Variants in AKAP6 observed in about 807,000 individuals in gnomAD.
AKAP6 encodes the protein A-kinase anchoring protein 6.
In AKAP6, 58 loss-of-function variants were observed where a neutral mutation model predicts 188.5. That is an observed-to-expected ratio of 0.31 (90% CI 0.25 to 0.38). AKAP6 has a LOEUF of 0.38. AKAP6 is among the 10% of genes least tolerant of loss of function. The pLI is 1.00. For synonymous variants in AKAP6, 989 were observed against 998.6 expected (o/e 0.99, Z 0.18); for missense variants, 2,710 against 2,740.0 (o/e 0.99, Z 0.24).
At position 32,352,882 on chromosome 14, in the gene AKAP6, A is replaced by T. The variant is rs142906750; in HGVS notation, c.-35+23474A>T. Among the ~76,000 whole-genome samples, 201 of 152,288 alleles carry T rather than the reference A, an allele frequency of 1.3e-3. 2 individuals carry two copies. Among genetic ancestry groups the T allele is most frequent in the African/African-American group, 4.7e-3 (194 of 41,574 alleles). ...ACGTGGGAGTGCAGATGTCTCTTTG[A>T]CATAGTGATTTCATTTCCTTTGGAT... On this transcript the variant is annotated intron_variant, in intron 1 of 13. Transcript: ENST00000280979.
At chr14:32,732,076 C>G (rs2031200047) in intron 9 of AKAP6, among the ~76,000 whole-genome samples, 1 of 151,886 alleles carries the variant, frequency 6.6e-6, no homozygotes, top group Non-Finnish European at 1.5e-5. Context: ...CACTTTGAAA[C>G]TGGTCCTTTA....
At chr14:32,552,016 T>G (rs1883496084) in intron 4 of AKAP6, among the ~76,000 whole-genome samples, 1 of 152,154 alleles carries the variant, frequency 6.6e-6, no homozygotes, top group Non-Finnish European at 1.5e-5. Context: ...TTATTATTTT[T>G]GGTCTGTCTC....
chr14:32,423,209 A>G (rs1654305969), intron 1 of AKAP6, among the ~76,000 whole-genome samples: 1 of 152,052 alleles, frequency 6.6e-6, no homozygotes. Context: ...TCACTTTGTC[A>G]CCCAGGCTGG....
chr14:32,786,307 T>TTTTTGTTTTTTTG (rs1566710268), intron 12 of AKAP6, among the ~76,000 whole-genome samples: 1 of 91,884 alleles, frequency 1.1e-5, no homozygotes, highest in African/African-American at 3.9e-5. Flanking sequence ...TCTTTTTTTT[T>TTTTTGTTTTTTTG]TTTTTTTTTT....
At chr14:32,376,642 TAA>T (rs1329462276) in intron 1 of AKAP6, among the ~76,000 whole-genome samples, 1 of 152,236 alleles carries the variant, frequency 6.6e-6, no homozygotes, top group African/African-American at 2.4e-5. Flanking sequence ...AATGTGGATG[TAA>T]AGTTATACTC....
intron 7 of AKAP6, among the ~76,000 whole-genome samples, chr14:32,656,409 T>C (rs1888456343): frequency 6.6e-6 from 1 of 152,148 alleles, no homozygotes; most frequent in Non-Finnish European, 1.5e-5. Flanking sequence ...GTATGAGAAA[T>C]AGAAGACAGT....
chr14:32,525,769 C>T (rs1882089393), intron 2 of AKAP6, among the ~76,000 whole-genome samples: 1 of 152,196 alleles, frequency 6.6e-6, no homozygotes, highest in African/African-American at 2.4e-5. Context: ...ACATCCTTTG[C>T]ATCTGTATGG....
At chr14:32,342,464 C>T (rs1180635473) in intron 1 of AKAP6, among the ~76,000 whole-genome samples, 1 of 152,150 alleles carries the variant, frequency 6.6e-6, no homozygotes, top group African/African-American at 2.4e-5. Context: ...AGCTTAAGAT[C>T]ACCCCATATA....
chr14:32,755,724 C>T (rs1204492360), intron 11 of AKAP6, among the ~76,000 whole-genome samples: 1 of 152,090 alleles, frequency 6.6e-6, no homozygotes, highest in Non-Finnish European at 1.5e-5. Context: ...GACAAGGTTT[C>T]ACCATGTTGC....
In AKAP6 at chr14:32,832,053, A is replaced by G. The variant is rs901036191; in HGVS notation, c.*2248A>G. On this transcript the variant is annotated 3_prime_UTR_variant, in exon 14 of 14. Coordinates refer to ENST00000280979, the MANE Select transcript of AKAP6 (RefSeq NM_004274.5). The stretch of plus-strand genomic sequence containing the variant: ...TCCATATGTATTTCTAAATGGATAA[A>G]TTATTCTAGGCTTCTTAATAGGTAG... 3.3e-5 allele frequency: 5 copies of G among 152,044 alleles called. No homozygotes were observed. Among genetic ancestry groups the G allele is most frequent in the South Asian group, 2.1e-4 (1 of 4,828 alleles). 9.4% of individuals were successfully genotyped at this position (152,044 alleles called of 1,614,324 possible).
At chr14:32,435,813 G>A (rs1255986019) in intron 2 of AKAP6, among the ~76,000 whole-genome samples, 1 of 152,162 alleles carries the variant, frequency 6.6e-6, no homozygotes, top group Non-Finnish European at 1.5e-5. Flanking sequence ...AAGTCAAGGA[G>A]CTCTGGTTAC....
intron 7 of AKAP6, among the ~76,000 whole-genome samples, chr14:32,666,949 G>T (rs1020951548): frequency 3.3e-5 from 5 of 152,018 alleles, no homozygotes; most frequent in African/African-American, 9.6e-5. Context: ...AATGTCATTT[G>T]TCTATAGTGC....
intron 11 of AKAP6, among the ~76,000 whole-genome samples, chr14:32,755,626 C>T (rs1300882939): frequency 6.6e-6 from 1 of 151,976 alleles, no homozygotes; most frequent in East Asian, 1.9e-4. Flanking sequence ...CTCTTGGGCT[C>T]AAGGGTTCCC....
At chr14:32,607,132 G>C (rs1309288262) in intron 7 of AKAP6, among the ~76,000 whole-genome samples, 1 of 152,154 alleles carries the variant, frequency 6.6e-6, no homozygotes, top group African/African-American at 2.4e-5. Context: ...AAGATGTTTT[G>C]GGTAAGAGCG....
rs577601009 is a variant in AKAP6, at chr14:32,660,271, G to A, written c.2731-18040G>A. Among the ~76,000 whole-genome samples, 28 of 152,226 alleles carry A rather than the reference G, an allele frequency of 1.8e-4. No homozygotes were observed. In the South Asian group the frequency reaches 5.8e-3, roughly 32 times the overall value. On this transcript the variant is annotated intron_variant, in intron 7 of 13. Transcript: ENST00000280979. ...GTGCATATCAGACTTTCCAGGATGAGGCAATGGGCCAGGTCTTTATAACTT... is the reference window on the plus strand; with the variant it reads ...GTGCATATCAGACTTTCCAGGATGAAGCAATGGGCCAGGTCTTTATAACTT...
intron 2 of AKAP6, among the ~76,000 whole-genome samples, chr14:32,462,784 A>G (rs551952602): frequency 3.6e-4 from 55 of 151,798 alleles, no homozygotes; most frequent in South Asian, 3.4e-3. Flanking sequence ...AGACTAACCA[A>G]TTGGATAGAG....
intron 10 of AKAP6, 66 bp downstream of exon 10, chr14:32,732,666 C>T (rs750594335): frequency 1.0e-5 from 16 of 1,547,760 alleles, no homozygotes; most frequent in Non-Finnish European, 7.1e-6. Context: ...AGTACTCTGT[C>T]CGATTTCTAA....
At chr14:32,516,167 G>A (rs191218212) in intron 2 of AKAP6, among the ~76,000 whole-genome samples, 93 of 152,244 alleles carry the variant, frequency 6.1e-4, no homozygotes, top group East Asian at 2.1e-3. Flanking sequence ...TCCTTTTTGC[G>A]TATTCTGTGA....
At chr14:32,797,625 G>A (rs530734919) in intron 12 of AKAP6, among the ~76,000 whole-genome samples, 91 of 124,950 alleles carry the variant, frequency 7.3e-4, no homozygotes, top group Admixed American at 1.1e-3. Flanking sequence ...CTTTCAGAGG[G>A]CAGTGAGAGG....
Sources: allele counts gnomAD v4.1 joint callset (sites outside exome capture counted in the v4.1 genomes callset), GRCh38; gene constraint gnomAD v4.1.1; transcripts MANE v1.5; gene names NCBI Gene and HGNC (gene_info 2026-07-23, HGNC 2026-07-21).